Variants in FAM167A observed in about 807,000 individuals in gnomAD.
FAM167A encodes protein FAM167A.
Under a neutral mutation model 14.9 loss-of-function variants are expected in FAM167A, and 23 were observed. The observed-to-expected ratio is 1.55, with a 90% CI of 1.11 to 2.19. FAM167A has a LOEUF of 2.19. Among genes scored for constraint, FAM167A ranks in the 30% most tolerant of loss-of-function variants. The probability of loss-of-function intolerance (pLI) is 0.00; values close to 1 mark genes in which losing one functional copy is unlikely to be tolerated. For missense variants in FAM167A, 401 were observed against 281.5 expected, an observed-to-expected ratio of 1.42 and a Z score of -3.04; for synonymous variants, 174 against 117.7, an observed-to-expected ratio of 1.48 and a Z score of -3.10.
intron 1 of FAM167A, among the ~76,000 whole-genome samples, chr8:11,455,948 G>A (rs1422407184): frequency 6.2e-5 from 9 of 146,324 alleles, no homozygotes; most frequent in Middle Eastern, 3.7e-3. Context: ...GTGAATGTGG[G>A]GTGGTTGCCT....
At position 11,462,659 on chromosome 8, in the gene FAM167A, G is replaced by C. The variant is rs114059667; in HGVS notation, c.-398+3967C>G. ...CTTCCTTGGTAGGGTGGTGCATTTG[G>C]ATCCTAAACTCCTTTGCAGAGATGG... On this transcript the variant is annotated intron_variant, in intron 1 of 2. Coordinates refer to ENST00000284486, the MANE Select transcript of FAM167A (RefSeq NM_053279.3). 3.3e-3 allele frequency among the ~76,000 whole-genome samples: 503 copies of C among 152,278 alleles called. 7 individuals are homozygous for C. The highest frequency in any genetic ancestry group is 0.011 in the African/African-American group (476 of 41,540).
At chr8:11,465,853 C>T (rs28738823) in intron 1 of FAM167A, among the ~76,000 whole-genome samples, 4 of 152,228 alleles carry the variant, frequency 2.6e-5, no homozygotes, top group East Asian at 1.9e-4. Context: ...TGCAGGCATA[C>T]GGCAGTGGCC....
intron 1 of FAM167A, among the ~76,000 whole-genome samples, chr8:11,450,529 G>T (rs1051309301): frequency 1.3e-5 from 2 of 152,178 alleles, no homozygotes; most frequent in African/African-American, 4.8e-5. Flanking sequence ...CTCTGAGCTG[G>T]CCCCTAACCA....
Position 11,448,700 on chromosome 8 carries a change from C to A in FAM167A, c.-397-3892G>T, listed in dbSNP as rs1043048397. ...AACAGCTCCACTTACTAAAACCATT[C>A]CATGCCTGCTCCCTTCCCTCTCTGC... On this transcript the variant is annotated intron_variant, in intron 1 of 2. Transcript: ENST00000284486. 4.6e-5 allele frequency among the ~76,000 whole-genome samples: 7 copies of A among 152,368 alleles called. 1 individual carries two copies. The highest frequency in any genetic ancestry group is 4.6e-4 in the Admixed American group (7 of 15,302).
chr8:11,434,559 G>A (rs17153240), intron 2 of FAM167A, among the ~76,000 whole-genome samples: 11,805 of 152,218 alleles, frequency 0.078, 467 homozygotes, highest in South Asian at 0.11. Flanking sequence ...GGGCCCTGCC[G>A]AGGACTCCAC....
chr8:11,427,242 GAC>G (rs1390545601), intron 2 of FAM167A, among the ~76,000 whole-genome samples: 3 of 152,184 alleles, frequency 2.0e-5, no homozygotes, highest in African/African-American at 7.2e-5. Context: ...GTACCAGCAG[GAC>G]AGTCTGGCTC....
At chr8:11,446,531 G>A (rs1039176150) in intron 1 of FAM167A, 1 of 152,208 alleles carries the variant, frequency 6.6e-6, no homozygotes, top group South Asian at 2.1e-4. Flanking sequence ...CCGGGGTGGA[G>A]AACCACTGTC....
At chr8:11,428,551 G>T (rs145950421) in intron 2 of FAM167A, among the ~76,000 whole-genome samples, 1 of 152,366 alleles carries the variant, frequency 6.6e-6, no homozygotes, top group Non-Finnish European at 1.5e-5. Context: ...TGAGGAGGGG[G>T]CTGGGAATTG....
intron 1 of FAM167A, among the ~76,000 whole-genome samples, chr8:11,458,657 C>T (rs1807422582): frequency 6.6e-6 from 1 of 152,146 alleles, no homozygotes; most frequent in African/African-American, 2.4e-5. Context: ...AACACAGACA[C>T]TTGGAGAAAT....
rs553343328 is a variant in FAM167A at position 11,441,059 on chromosome 8, C to G, written c.381+2972G>C. On this transcript the variant is annotated intron_variant, in intron 2 of 2. Transcript: ENST00000284486. Reference sequence around the variant, plus strand: ...GCAGCAGGCGGAACTGCACGTCCAGCCTGCCTGCCTACCTGCCAGCCAGTC... The same window carrying G: ...GCAGCAGGCGGAACTGCACGTCCAGGCTGCCTGCCTACCTGCCAGCCAGTC... Among the ~76,000 whole-genome samples the G allele has an allele frequency of 2.6e-5, 4 of 152,342 alleles. No homozygotes were observed. In the South Asian group the frequency reaches 6.2e-4, roughly 24 times the overall value.
chr8:11,444,024 C>T lies in FAM167A; in HGVS notation c.381+7G>A, dbSNP rs1402697529. The T allele has an allele frequency of 1.2e-6, 2 of 1,603,970 alleles. No individual in the cohort carries two copies. The highest frequency in any genetic ancestry group is 1.3e-5 in the African/African-American group (1 of 74,570). On this transcript the variant is annotated splice_region_variant and intron_variant, in intron 2 of 2. Transcript: ENST00000284486. The stretch of plus-strand genomic sequence containing the variant: ...TTTTCTGGGGATTCTTGGGGGCAGC[C>T]ACTCACCAGTTCCTTCCTGAGCCAG...
At chr8:11,472,891 G>A (rs1245914525) in intron 1 of FAM167A, among the ~76,000 whole-genome samples, 3 of 152,246 alleles carry the variant, frequency 2.0e-5, no homozygotes, top group Non-Finnish European at 4.4e-5. Flanking sequence ...GGCAGAGGCA[G>A]GAGGCCGGAC....
At chr8:11,452,118 G>A (rs138322918) in intron 1 of FAM167A, among the ~76,000 whole-genome samples, 15 of 152,280 alleles carry the variant, frequency 9.9e-5, no homozygotes, top group Non-Finnish European at 1.3e-4. Flanking sequence ...GGGGTGCTGT[G>A]CGACCTCCCA....
chr8:11,441,989 G>A (rs1034105460), intron 2 of FAM167A, among the ~76,000 whole-genome samples: 1 of 152,358 alleles, frequency 6.6e-6, no homozygotes, highest in South Asian at 2.1e-4. Context: ...GTGGCACAGG[G>A]AAGTGGCTAG....
At chr8:11,434,510 C>G (rs539498937) in intron 2 of FAM167A, among the ~76,000 whole-genome samples, 6 of 152,248 alleles carry the variant, frequency 3.9e-5, no homozygotes, top group Admixed American at 6.5e-5. Context: ...GAGGGAGAGA[C>G]GACAGCCCCA....
rs1484604787 is a variant in FAM167A, at chr8:11,421,567, GTA to G, written c.*2804_*2805del. 2.5e-6 allele frequency: 1 copy of G among 397,250 alleles called. No individual in the cohort carries two copies. 24.6% of individuals were successfully genotyped at this position (397,250 alleles called of 1,614,324 possible). ...AAACAAATAATCATAAAAAATAAAA[GTA>G]TAAATCGTCCATTGATTATGTAATA... On this transcript the variant is annotated 3_prime_UTR_variant, in exon 3 of 3. Coordinates refer to ENST00000284486, the MANE Select transcript of FAM167A (RefSeq NM_053279.3).
At chr8:11,430,061 G>C (rs1439891541) in intron 2 of FAM167A, among the ~76,000 whole-genome samples, 1 of 152,124 alleles carries the variant, frequency 6.6e-6, no homozygotes, top group African/African-American at 2.4e-5. Flanking sequence ...AGCTGGCCAG[G>C]GTGACTCAAC....
At chr8:11,452,581 TCTC>T (rs1380325957) in intron 1 of FAM167A, among the ~76,000 whole-genome samples, 2 of 152,150 alleles carry the variant, frequency 1.3e-5, no homozygotes, top group African/African-American at 4.8e-5. Context: ...CTCCCTCCCT[TCTC>T]ATCATCAGCC....
chr8:11,432,470 CTCA>C (rs1284548042), intron 2 of FAM167A, among the ~76,000 whole-genome samples: 8 of 149,738 alleles, frequency 5.3e-5, no homozygotes, highest in African/African-American at 1.5e-4. Context: ...ATAAAAAACA[CTCA>C]TCATCACTGG....
Sources: gnomAD v4.1 joint callset for allele counts (sites outside exome capture counted in the v4.1 genomes callset) on GRCh38, gnomAD v4.1.1 for gene constraint, MANE v1.5 for transcripts, NCBI Gene and HGNC (gene_info 2026-07-23, HGNC 2026-07-21) for gene names.